The following SHROOM3 variants were observed in gnomAD, a reference collection of about 807,000 sequenced individuals.
SHROOM3 encodes the protein shroom family member 3.
SHROOM3 carries 47 observed loss-of-function variants against 138.6 expected under a neutral mutation model. The observed-to-expected ratio is 0.34, with a 90% CI of 0.27 to 0.43. The LOEUF (loss-of-function observed/expected upper bound fraction) is 0.43. Ranked by LOEUF, SHROOM3 falls within the 20% of genes least tolerant of loss-of-function variation. SHROOM3 has a pLI of 1.00. For synonymous variants in SHROOM3, 1,062 were observed against 1,063.3 expected (o/e 1.00, Z 0.02); for missense variants, 2,491 against 2,596.5 (o/e 0.96, Z 0.88).
rs1441450298 is a variant in SHROOM3, at chr4:76,695,650, T to C, written c.324-14506T>C. Reference sequence around the variant, plus strand: ...CCAATTCATTAAAATAATGTATAGATGCCCAGGGGAAAATGTAATTAAATA... The same window carrying C: ...CCAATTCATTAAAATAATGTATAGACGCCCAGGGGAAAATGTAATTAAATA... On this transcript the variant is annotated intron_variant, in intron 2 of 10. Coordinates refer to ENST00000296043, the MANE Select transcript of SHROOM3 (RefSeq NM_020859.4). Among the ~76,000 whole-genome samples, 3 of 152,224 alleles carry C rather than the reference T, an allele frequency of 2.0e-5. No homozygotes were observed. The East Asian group carries it at 5.8e-4, about 29-fold the overall frequency.
chr4:76,478,239 C>T (rs10213455), intron 1 of SHROOM3, among the ~76,000 whole-genome samples: 7,409 of 152,278 alleles, frequency 0.049, 209 homozygotes, highest in Middle Eastern at 0.075. Flanking sequence ...TTGAAATTCT[C>T]GCTGCTAGCA....
chr4:76,650,926 T>C (rs183993165), intron 2 of SHROOM3, among the ~76,000 whole-genome samples: 82 of 152,330 alleles, frequency 5.4e-4, no homozygotes, highest in Non-Finnish European at 9.9e-4. Context: ...GTGGTACTTA[T>C]ACACAATGGA....
At chr4:76,749,328 T>C (rs1176235530) in intron 6 of SHROOM3, among the ~76,000 whole-genome samples, 2 of 152,262 alleles carry the variant, frequency 1.3e-5, no homozygotes, top group African/African-American at 4.8e-5. Flanking sequence ...GTTGGTGTGC[T>C]GCACCCATTA....
intron 2 of SHROOM3, among the ~76,000 whole-genome samples, chr4:76,677,658 T>C (rs1232100053): frequency 6.6e-6 from 1 of 152,204 alleles, no homozygotes; most frequent in East Asian, 1.9e-4. Context: ...CCTGCTAGAA[T>C]CTGCTCAGGA....
intron 2 of SHROOM3, among the ~76,000 whole-genome samples, chr4:76,698,682 A>T (rs999344169): frequency 6.6e-5 from 10 of 152,154 alleles, no homozygotes; most frequent in Non-Finnish European, 1.5e-4. Flanking sequence ...TGTTTTAAAG[A>T]CAGCCTTGAA....
At chr4:76,528,469 T>C (rs1732749528) in intron 1 of SHROOM3, among the ~76,000 whole-genome samples, 1 of 151,142 alleles carries the variant, frequency 6.6e-6, no homozygotes, top group African/African-American at 2.4e-5. Flanking sequence ...ATAGGCTTGC[T>C]CATGCTCAGC....
At chr4:76,728,160 T>C (rs916642590) in intron 3 of SHROOM3, among the ~76,000 whole-genome samples, 2 of 152,166 alleles carry the variant, frequency 1.3e-5, no homozygotes, top group African/African-American at 4.8e-5. Flanking sequence ...TGGGCAGCAG[T>C]GCTGAACTTC....
intron 2 of SHROOM3, among the ~76,000 whole-genome samples, chr4:76,556,427 A>G (rs551333674): frequency 1.3e-5 from 2 of 152,306 alleles, no homozygotes; most frequent in South Asian, 4.1e-4. Flanking sequence ...TAATCTGCAC[A>G]TGAACCCCAT....
chr4:76,472,173 A>C (rs904426712), intron 1 of SHROOM3, among the ~76,000 whole-genome samples: 3 of 152,222 alleles, frequency 2.0e-5, no homozygotes, highest in African/African-American at 4.8e-5. Context: ...CCAGAGTGAG[A>C]CATTAATTGA....
chr4:76,628,777 A>T (rs965147297), intron 2 of SHROOM3: 2 of 152,188 alleles, frequency 1.3e-5, no homozygotes, highest in Non-Finnish European at 1.5e-5. Flanking sequence ...ATATTCAAAG[A>T]TTAGTGCATG....
At chr4:76,681,193 C>T (rs1719181486) in intron 2 of SHROOM3, among the ~76,000 whole-genome samples, 1 of 152,184 alleles carries the variant, frequency 6.6e-6, no homozygotes, top group Admixed American at 6.5e-5. Flanking sequence ...ACTTTCTGCC[C>T]TGAACTATTC....
intron 2 of SHROOM3, among the ~76,000 whole-genome samples, chr4:76,686,815 A>AACTGACTTGGC (rs1341472357): frequency 6.6e-6 from 1 of 152,198 alleles, no homozygotes; most frequent in Non-Finnish European, 1.5e-5. Flanking sequence ...GAAGGGAGGA[A>AACTGACTTGGC]ACTGACTTGG....
chr4:76,703,708 A>G (rs1719967264), intron 2 of SHROOM3, among the ~76,000 whole-genome samples: 2 of 152,240 alleles, frequency 1.3e-5, no homozygotes. Flanking sequence ...TCATGGATGA[A>G]GGACACAGAG....
intron 3 of SHROOM3, among the ~76,000 whole-genome samples, chr4:76,720,507 C>T (rs964458913): frequency 3.3e-5 from 5 of 151,814 alleles, no homozygotes; most frequent in Non-Finnish European, 2.9e-5. Context: ...TATTTGGGGC[C>T]TATCATTTTC....
At position 76,435,766 on chromosome 4, in the gene SHROOM3, T is replaced by G; in HGVS notation, c.-287T>G. ...CTTCAGAGCGCCACTGAAGGAAGTT[T>G]TGACGAACGGAGTAGAGATGTATAC... On this transcript the variant is annotated 5_prime_UTR_variant, in exon 1 of 11. Transcript: ENST00000296043. 3.3e-6 allele frequency: 1 copy of G among 300,610 alleles called. No homozygotes were observed. 18.6% of individuals were successfully genotyped at this position (300,610 alleles called of 1,614,324 possible). A position where few individuals can be genotyped will look rare whatever the true frequency, so the allele number is the denominator to read the frequency against.
intron 2 of SHROOM3, among the ~76,000 whole-genome samples, chr4:76,611,396 A>G (rs1199035822): frequency 6.6e-6 from 1 of 151,630 alleles, no homozygotes; most frequent in Non-Finnish European, 1.5e-5. Context: ...GTTATTTCTT[A>G]TCGGGAATGC....
At chr4:76,436,330 G>C in intron 1 of SHROOM3, 110 bp downstream of exon 1, 1 of 1,126,838 alleles carries the variant, frequency 8.9e-7, no homozygotes, top group South Asian at 1.4e-5. Flanking sequence ...TTAATTTGCT[G>C]TTTCATGCCT....
At position 76,548,929 on chromosome 4, in the gene SHROOM3, A is replaced by ATAAGTAAG. The variant is rs1560541843; in HGVS notation, c.169-6679_169-6678insAAGTAAGT. On this transcript the variant is annotated intron_variant, in intron 1 of 10. Coordinates refer to ENST00000296043, the MANE Select transcript of SHROOM3 (RefSeq NM_020859.4). ...AGTCATTTAACCTGTTGACAGTCGC[A>ATAAGTAAG]TTCTTGGAATAAGTAAGTTCCATGC... is the stretch of plus-strand genomic sequence containing the variant. 3.4e-3 allele frequency among the ~76,000 whole-genome samples: 515 copies of ATAAGTAAG among 152,336 alleles called. 2 individuals carry two copies. Among genetic ancestry groups the ATAAGTAAG allele is most frequent in the African/African-American group, 0.012 (492 of 41,576 alleles).
chr4:76,545,601 G>A (rs986354633), intron 1 of SHROOM3, among the ~76,000 whole-genome samples: 1 of 152,160 alleles, frequency 6.6e-6, no homozygotes, highest in Non-Finnish European at 1.5e-5. Context: ...TCTCATGCAT[G>A]CAGTTGCTAA....
Sources: gnomAD v4.1 joint callset for allele counts (sites outside exome capture counted in the v4.1 genomes callset) on GRCh38, gnomAD v4.1.1 for gene constraint, MANE v1.5 for transcripts, NCBI Gene and HGNC (gene_info 2026-07-23, HGNC 2026-07-21) for gene names.